Variants in GRHL2 observed in about 807,000 individuals in gnomAD.
GRHL2 encodes the protein grainyhead like transcription factor 2, also known as grainyhead-like protein 2 homolog.
Under a neutral mutation model 83.8 loss-of-function variants are expected in GRHL2, and 21 were observed. The observed-to-expected ratio is 0.25, with a 90% CI of 0.18 to 0.36. GRHL2 has a LOEUF of 0.36. Among genes scored for constraint, GRHL2 ranks in the 10% least tolerant of loss-of-function variants. GRHL2 has a pLI of 1.00. For missense variants in GRHL2, 623 were observed against 781.8 expected (o/e 0.80, Z 2.42); for synonymous variants, 280 against 278.9 (o/e 1.00, Z -0.04).
chr8:101,608,665 C>T (rs1222157113), intron 8 of GRHL2, among the ~76,000 whole-genome samples: 8 of 151,502 alleles, frequency 5.3e-5, no homozygotes, highest in Admixed American at 2.6e-4. Context: ...CATTTGATAC[C>T]ACTTACCCTT....
downstream of GRHL2, among the ~76,000 whole-genome samples, chr8:101,671,446 G>A (rs138470731): frequency 4.2e-4 from 64 of 152,302 alleles, no homozygotes; most frequent in Middle Eastern, 0.01. Flanking sequence ...ACTGCAAGGC[G>A]GCAGCGATGC....
chr8:101,617,834 C>G (rs1812886651), intron 8 of GRHL2, among the ~76,000 whole-genome samples: 1 of 152,146 alleles, frequency 6.6e-6, no homozygotes, highest in Non-Finnish European at 1.5e-5. Flanking sequence ...GTCCGTTTCT[C>G]ATGGTTTTGC....
chr8:101,600,017 A>C (rs548620532), intron 8 of GRHL2, among the ~76,000 whole-genome samples: 15 of 152,310 alleles, frequency 9.8e-5, no homozygotes, highest in Non-Finnish European at 1.6e-4. Context: ...TCTTCAAACT[A>C]ATGAAAAGGT....
At chr8:101,533,621 G>A (rs879009989) in intron 1 of GRHL2, among the ~76,000 whole-genome samples, 6 of 152,178 alleles carry the variant, frequency 3.9e-5, no homozygotes, top group Admixed American at 1.3e-4. Flanking sequence ...AGAAAGAGTC[G>A]AGAGCTGGGT....
downstream of GRHL2, among the ~76,000 whole-genome samples, chr8:101,673,518 T>A (rs906420692): frequency 1.6e-5 from 1 of 61,562 alleles, no homozygotes; most frequent in Non-Finnish European, 3.2e-5. Flanking sequence ...TAAATATATA[T>A]ATTTAGGATA....
downstream of GRHL2, among the ~76,000 whole-genome samples, chr8:101,673,993 T>A (rs1422967847): frequency 1.3e-5 from 2 of 152,034 alleles, no homozygotes; most frequent in African/African-American, 4.8e-5. Context: ...GAAATAAAGA[T>A]GTTCTTTGAA....
intron 14 of GRHL2, among the ~76,000 whole-genome samples, chr8:101,653,244 G>T (rs901863628): frequency 6.8e-6 from 1 of 146,022 alleles, no homozygotes; most frequent in African/African-American, 2.8e-5. Flanking sequence ...ATATCATTGT[G>T]GGGGGGCTTA....
chr8:101,627,236 T>C (rs772132873), intron 9 of GRHL2, among the ~76,000 whole-genome samples: 1 of 152,136 alleles, frequency 6.6e-6, no homozygotes, highest in African/African-American at 2.4e-5. Context: ...CAACCCTGTA[T>C]TGATCAAGTC....
At chr8:101,624,996 A>C (rs915571498) in intron 9 of GRHL2, among the ~76,000 whole-genome samples, 1 of 152,134 alleles carries the variant, frequency 6.6e-6, no homozygotes, top group African/African-American at 2.4e-5. Flanking sequence ...ACAAAACCGA[A>C]CCAAAAAAAT....
At chr8:101,555,279 A>G (rs1034204963) in intron 3 of GRHL2, among the ~76,000 whole-genome samples, 1 of 152,194 alleles carries the variant, frequency 6.6e-6, no homozygotes, top group African/African-American at 2.4e-5. Flanking sequence ...CCTAACCTGT[A>G]GGGGCTTATC....
chr8:101,649,624 C>T, intron 14 of GRHL2, 125 bp downstream of exon 14: 1 of 752,442 alleles, frequency 1.3e-6, no homozygotes, highest in Non-Finnish European at 2.3e-6. Flanking sequence ...CAAGAAAAAC[C>T]TAAGATTTGT....
intron 1 of GRHL2, among the ~76,000 whole-genome samples, chr8:101,519,393 C>T (rs1810637265): frequency 8.6e-6 from 1 of 116,602 alleles, no homozygotes; most frequent in South Asian, 3.2e-4. Flanking sequence ...ATTAAATATT[C>T]ATCACTTATT....
chr8:101,538,882 G>A (rs1811096337), intron 1 of GRHL2, among the ~76,000 whole-genome samples: 2 of 152,196 alleles, frequency 1.3e-5, no homozygotes, highest in Admixed American at 1.3e-4. Flanking sequence ...AGGCCCCTGT[G>A]GCTGCCAAGA....
intron 13 of GRHL2, among the ~76,000 whole-genome samples, chr8:101,649,060 G>A (rs1034715169): frequency 6.6e-6 from 1 of 152,158 alleles, no homozygotes; most frequent in African/African-American, 2.4e-5. Context: ...GGGCCCAGGT[G>A]GGCATTCAGT....
downstream of GRHL2, among the ~76,000 whole-genome samples, chr8:101,673,386 G>A (rs868311808): frequency 6.6e-6 from 1 of 151,954 alleles, no homozygotes; most frequent in South Asian, 2.1e-4. Flanking sequence ...AACAAAAAAA[G>A]GCAGGGGTTG....
In GRHL2 at chr8:101,558,507, T is replaced by G. The variant is rs145518215; in HGVS notation, c.373T>G (p.Ser125Ala). ...QVLKTVPVNL[S>A]LNQDHLENSK... ...CCTAAAGACTGTTCCAGTGAACCTTTCCCTAAATCAAGATCACCTGGAGAA... is the reference window on the plus strand; with the variant it reads ...CCTAAAGACTGTTCCAGTGAACCTTGCCCTAAATCAAGATCACCTGGAGAA... Residue 125 changes from serine (S) to alanine (A), a missense_variant, in exon 4 of 16, where the codon TCC (serine) becomes GCC (alanine). Ser to Ala is a moderately conservative substitution (Grantham distance 99). This residue lies in a region of GRHL2 where 239 missense variants were observed against 240.5 expected (regional missense o/e 0.99). Transcript: ENST00000646743. The G allele has an allele frequency of 3.7e-6, 6 of 1,613,942 alleles. No homozygotes were observed. The highest frequency in any genetic ancestry group is 1.3e-5 in the African/African-American group (1 of 74,880).
chr8:101,579,774 G>A (rs1812011538), intron 7 of GRHL2, among the ~76,000 whole-genome samples: 2 of 152,168 alleles, frequency 1.3e-5, no homozygotes, highest in Non-Finnish European at 2.9e-5. Flanking sequence ...ACATATGTCT[G>A]CCTGTTGCAC....
At chr8:101,530,475 T>C (rs1221815744) in intron 1 of GRHL2, among the ~76,000 whole-genome samples, 3 of 152,254 alleles carry the variant, frequency 2.0e-5, no homozygotes, top group African/African-American at 7.2e-5. Flanking sequence ...AAAAATCATA[T>C]TTTTGTTTGC....
At chr8:101,557,543 G>T (rs974212057) in intron 3 of GRHL2, among the ~76,000 whole-genome samples, 10 of 151,872 alleles carry the variant, frequency 6.6e-5, no homozygotes, top group Admixed American at 6.6e-4. Context: ...CCTTAATATC[G>T]CCAAATCCCA....
Sources: allele counts gnomAD v4.1 joint callset (sites outside exome capture counted in the v4.1 genomes callset), GRCh38; gene constraint gnomAD v4.1.1; regional missense constraint gnomAD v4.1.1; transcripts MANE v1.5; gene names NCBI Gene and HGNC (gene_info 2026-07-23, HGNC 2026-07-21).